ESRRG: variants seen among roughly 807,000 people sequenced by gnomAD.
ESRRG encodes estrogen related receptor gamma, also known as estrogen-related receptor gamma.
In ESRRG, 13 loss-of-function variants were observed where a neutral mutation model predicts 44.0. The ratio of observed to expected loss-of-function variants is 0.30; its 90% CI spans 0.19 to 0.47. The LOEUF (loss-of-function observed/expected upper bound fraction) is 0.47. ESRRG is among the 20% of genes least tolerant of loss of function. ESRRG has a pLI of 1.00. For missense variants in ESRRG, 395 were observed against 580.6 expected (o/e 0.68, Z 3.29); for synonymous variants, 215 against 214.6 (o/e 1.00, Z -0.02).
At chr1:216,741,323 A>T (rs1414569092) in intron 2 of ESRRG, among the ~76,000 whole-genome samples, 1 of 148,970 alleles carries the variant, frequency 6.7e-6, no homozygotes, top group Non-Finnish European at 1.5e-5. Context: ...TTTATAATTT[A>T]TATTATAATT....
At chr1:216,520,128 A>T (rs896666818) in intron 5 of ESRRG, among the ~76,000 whole-genome samples, 1 of 152,172 alleles carries the variant, frequency 6.6e-6, no homozygotes, top group Admixed American at 6.6e-5. Flanking sequence ...CCAATTATTT[A>T]AAAAGTTAAA....
At chr1:216,949,964 C>T (rs2150061900) in intron 1 of ESRRG, among the ~76,000 whole-genome samples, 1 of 152,258 alleles carries the variant, frequency 6.6e-6, no homozygotes, top group Non-Finnish European at 1.5e-5. Context: ...AGGCACATGC[C>T]ACCACACCCG....
chr1:217,135,371 G>A (rs1004885737), intron 1 of ESRRG, among the ~76,000 whole-genome samples: 7 of 152,210 alleles, frequency 4.6e-5, no homozygotes, highest in African/African-American at 7.2e-5. Flanking sequence ...TGGAAGTTGA[G>A]GGTAGGGCCA....
intron 2 of ESRRG, among the ~76,000 whole-genome samples, chr1:216,651,943 T>G (rs545957175): frequency 3.9e-5 from 6 of 152,294 alleles, no homozygotes; most frequent in Admixed American, 3.9e-4. Context: ...GTGTGGGATG[T>G]GCTCTGGGGC....
At chr1:217,017,462 G>C (rs1252643741) in intron 1 of ESRRG, among the ~76,000 whole-genome samples, 1 of 86,420 alleles carries the variant, frequency 1.2e-5, no homozygotes. Flanking sequence ...CTAGAGAAAA[G>C]AGAATCTACA....
chr1:216,934,501 A>T (rs1274629824), intron 2 of ESRRG, among the ~76,000 whole-genome samples: 1 of 152,150 alleles, frequency 6.6e-6, no homozygotes, highest in Non-Finnish European at 1.5e-5. Flanking sequence ...TCACAGTTCC[A>T]TATGGCTGGG....
chr1:217,136,819 C>T (rs2093056377), intron 1 of ESRRG, among the ~76,000 whole-genome samples: 1 of 152,196 alleles, frequency 6.6e-6, no homozygotes, highest in South Asian at 2.1e-4. Flanking sequence ...CTTCCCAGTT[C>T]CTGAGGTTGC....
chr1:216,915,206 G>C (rs2060993574), intron 2 of ESRRG, among the ~76,000 whole-genome samples: 1 of 152,118 alleles, frequency 6.6e-6, no homozygotes, highest in South Asian at 2.1e-4. Flanking sequence ...AGTTACCCAG[G>C]AAGCTTCTGG....
chr1:216,758,175 C>A (rs2092569376), intron 2 of ESRRG, among the ~76,000 whole-genome samples: 1 of 152,016 alleles, frequency 6.6e-6, no homozygotes, highest in Non-Finnish European at 1.5e-5. Context: ...CATTAATTGT[C>A]ACCTCCAATA....
At chr1:216,811,258 G>T (rs1403534693) in intron 2 of ESRRG, among the ~76,000 whole-genome samples, 1 of 151,982 alleles carries the variant, frequency 6.6e-6, no homozygotes, top group Non-Finnish European at 1.5e-5. Flanking sequence ...ATGATGATGA[G>T]AAGACATTAT....
intron 2 of ESRRG, among the ~76,000 whole-genome samples, chr1:216,667,529 T>C (rs974244764): frequency 6.7e-6 from 1 of 150,326 alleles, no homozygotes; most frequent in Non-Finnish European, 1.5e-5. Context: ...CTACTAAAAG[T>C]ACAAAAATTA....
At chr1:216,787,001 C>T (rs1430014888) in intron 2 of ESRRG, among the ~76,000 whole-genome samples, 3 of 152,082 alleles carry the variant, frequency 2.0e-5, no homozygotes, top group African/African-American at 4.8e-5. Flanking sequence ...TTGTGGCAAC[C>T]TTTCATCAAG....
rs954582821 is a variant in ESRRG, at chr1:216,504,821, G to A, written c.*2118C>T. ...TTGAAAATATTATTATGATTTTGAT[G>A]TGTATCTGTTCATAATGAATACTTG... On this transcript the variant is annotated 3_prime_UTR_variant, in exon 7 of 7. Coordinates refer to ENST00000408911, the MANE Select transcript of ESRRG (RefSeq NM_001438.4). 2 of 152,544 alleles carry A rather than the reference G, an allele frequency of 1.3e-5. No homozygotes were observed. The highest frequency in any genetic ancestry group is 1.3e-4 in the Admixed American group (2 of 15,274). The allele number at this position is 152,544 out of a possible 1,614,324, so 9.4% of individuals were successfully genotyped here.
At chr1:216,807,869 A>G (rs1401949110) in intron 2 of ESRRG, among the ~76,000 whole-genome samples, 1 of 152,170 alleles carries the variant, frequency 6.6e-6, no homozygotes, top group African/African-American at 2.4e-5. Flanking sequence ...CAAGTATAGT[A>G]CTAGTCCCTT....
At position 216,884,160 on chromosome 1, in the gene ESRRG, G is replaced by C. The variant is rs575597877; in HGVS notation, c.-14+55422C>G. On this transcript the variant is annotated intron_variant, in intron 2 of 7. Coordinates refer to the ESRRG transcript ENST00000359162. ...CCATCAGCAAGTCACTTAAGGCTCT[G>C]CTGCAGGAAACTAGGTTTGTCAATT... 3.3e-5 allele frequency among the ~76,000 whole-genome samples: 5 copies of C among 152,268 alleles called. No homozygotes were observed. In the East Asian group the frequency reaches 5.8e-4, roughly 18 times the overall value.
At chr1:216,639,970 C>T (rs1018837709) in intron 3 of ESRRG, among the ~76,000 whole-genome samples, 1 of 152,226 alleles carries the variant, frequency 6.6e-6, no homozygotes, top group Non-Finnish European at 1.5e-5. Context: ...TTCCATATCA[C>T]TCTCTTCTAA....
chr1:217,012,164 T>C (rs2078714643), intron 1 of ESRRG, among the ~76,000 whole-genome samples: 1 of 152,202 alleles, frequency 6.6e-6, no homozygotes, highest in African/African-American at 2.4e-5. Flanking sequence ...TAAATCTGCC[T>C]CTGATGTGGA....
intron 1 of ESRRG, among the ~76,000 whole-genome samples, chr1:216,713,040 G>A (rs1009830980): frequency 1.3e-5 from 2 of 152,052 alleles, no homozygotes; most frequent in African/African-American, 4.8e-5. Context: ...TGTATAGAAC[G>A]GTGGTGCCTT....
chr1:216,910,849 CAA>C (rs1277671681), intron 2 of ESRRG, among the ~76,000 whole-genome samples: 6 of 152,240 alleles, frequency 3.9e-5, no homozygotes, highest in African/African-American at 1.4e-4. Flanking sequence ...AGATGAATTG[CAA>C]AGATCACTAC....
Sources: gnomAD v4.1 joint callset for allele counts (sites outside exome capture counted in the v4.1 genomes callset) on GRCh38, gnomAD v4.1.1 for gene constraint, MANE v1.5 for transcripts, NCBI Gene and HGNC (gene_info 2026-07-23, HGNC 2026-07-21) for gene names.